SETD5: variants seen among roughly 807,000 people sequenced by gnomAD.
The protein encoded by SETD5 is histone-lysine N-methyltransferase SETD5.
Under a neutral mutation model 153.3 loss-of-function variants are expected in SETD5, and 44 were observed. The observed-to-expected ratio is 0.29, with a 90% confidence interval of 0.23 to 0.37. SETD5 has a LOEUF of 0.37. Among genes scored for constraint, SETD5 ranks in the 10% least tolerant of loss-of-function variants. The pLI, the probability that SETD5 is intolerant of heterozygous loss-of-function variation, is 1.00. For synonymous variants in SETD5, 716 were observed against 645.2 expected (o/e 1.11, Z -1.66); for missense variants, 1,544 against 1,768.0 (o/e 0.87, Z 2.27).
Position 9,397,782 on chromosome 3 carries a change from T to G in SETD5, c.-372T>G, listed in dbSNP as rs1470842737. The G allele has an allele frequency of 9.3e-6, 1 of 107,766 alleles. No individual in the cohort carries two copies. The highest frequency in any genetic ancestry group is 3.7e-5 in the African/African-American group (1 of 27,306). The allele number at this position is 107,766 out of a possible 1,614,324, so 6.7% of individuals were successfully genotyped here. ...CAACACAGTAGTGCCGGCCCCCCTC[T>G]TTCCCTGGCCCTGCCCCCCCTCCCC... On this transcript the variant is annotated 5_prime_UTR_variant, in exon 1 of 23. Coordinates refer to ENST00000402198, the MANE Select transcript of SETD5 (RefSeq NM_001080517.3).
chr3:9,433,620 T>A, intron 3 of SETD5: 2 of 1,078,570 alleles, frequency 1.9e-6, no homozygotes, highest in Non-Finnish European at 2.5e-6. Context: ...CCTTCAGACA[T>A]CTGCCTGTAC....
At chr3:9,403,392 CT>C in intron 1 of SETD5, among the ~76,000 whole-genome samples, 1 of 152,270 alleles carries the variant, frequency 6.6e-6, no homozygotes, top group Non-Finnish European at 1.5e-5. Context: ...AAAGAATACT[CT>C]ATCTGAATAA....
Position 9,440,439 on chromosome 3 carries a change from G to T in SETD5, c.568-17G>T, listed in dbSNP as rs768621431. On this transcript the variant is annotated splice_polypyrimidine_tract_variant and intron_variant, in intron 7 of 22. Coordinates refer to ENST00000402198, the MANE Select transcript of SETD5 (RefSeq NM_001080517.3). ...ATGCATGGACTTTACTAACCTCCCT[G>T]AATTTGTTTTCTACAGAATTCTCCC... is the stretch of plus-strand genomic sequence containing the variant. 10 of 1,375,898 alleles carry T rather than the reference G, an allele frequency of 7.3e-6. No individual in the cohort carries two copies. In the Admixed American group the frequency reaches 1.7e-4, roughly 23 times the overall value. The allele number at this position is 1,375,898 out of a possible 1,614,324, so 85.2% of individuals were successfully genotyped here.
In SETD5 at chr3:9,445,049, A is replaced by C; in HGVS notation, c.1189A>C (p.Asn397His). 1.2e-6 allele frequency: 2 copies of C among 1,612,084 alleles called. No individual in the cohort carries two copies. Among genetic ancestry groups the C allele is most frequent in the Non-Finnish European group, 1.7e-6 (2 of 1,178,884 alleles). ...IAFDYEYSNC[N>H]YKVDCACHKG... ...ATTTTGGTTGTTTCTTTGGAGCAGT[A>C]ATTATAAAGTGGACTGTGCCTGTCA... is the stretch of plus-strand genomic sequence containing the variant. The change falls in exon 12 of 23, where the codon AAT (asparagine) becomes CAT (histidine). Residue 397 changes from asparagine (N) to histidine (H), a missense_variant and splice_region_variant. By Grantham distance (68) the Asn-to-His change is moderately conservative. Coordinates refer to ENST00000402198, the MANE Select transcript of SETD5 (RefSeq NM_001080517.3).
intron 17 of SETD5, among the ~76,000 whole-genome samples, chr3:9,462,430 A>G (rs953178138): frequency 5.3e-5 from 8 of 151,840 alleles, no homozygotes; most frequent in African/African-American, 1.5e-4. Flanking sequence ...TACTAAAAAT[A>G]CAAAAAATTA....
At chr3:9,450,570 T>C (rs909542256) in intron 16 of SETD5, among the ~76,000 whole-genome samples, 2 of 152,210 alleles carry the variant, frequency 1.3e-5, no homozygotes, top group Admixed American at 6.5e-5. Context: ...TCTTCTAATA[T>C]TGGTCTTCTT....
intron 1 of SETD5, among the ~76,000 whole-genome samples, chr3:9,412,582 T>C (rs1320062424): frequency 2.6e-5 from 4 of 151,846 alleles, no homozygotes; most frequent in African/African-American, 9.7e-5. Flanking sequence ...TTTTAAAAAA[T>C]ATCTTGTACA....
rs1474749780 is a variant in SETD5, at chr3:9,402,112, C to T, written c.-177+4135C>T. 5.9e-5 allele frequency among the ~76,000 whole-genome samples: 9 copies of T among 152,280 alleles called. No homozygotes were observed. In the East Asian group the frequency reaches 1.2e-3, roughly 20 times the overall value. ...AAGGTGGAGAGAATATAGTTTCCTT[C>T]ACTTGTCTATATACATTTTGTTAAA... On this transcript the variant is annotated intron_variant, in intron 1 of 22. Transcript: ENST00000402198.
At chr3:9,475,370 A>C (rs2045752933) in intron 22 of SETD5, 113 bp from the exon 23 acceptor site, 1 of 1,450,176 alleles carries the variant, frequency 6.9e-7, no homozygotes, top group Non-Finnish European at 9.2e-7. Flanking sequence ...GTTTCCTAAA[A>C]AGAATACATG....
chr3:9,442,394 G>T, intron 10 of SETD5, 149 bp downstream of exon 10: 2 of 637,926 alleles, frequency 3.1e-6, no homozygotes, highest in Non-Finnish European at 2.8e-6. Flanking sequence ...AAGTAATGGT[G>T]CTTTTATACG....
chr3:9,438,638 G>T (rs1391216661), intron 7 of SETD5, among the ~76,000 whole-genome samples: 2 of 152,140 alleles, frequency 1.3e-5, no homozygotes. Flanking sequence ...GGAGCCATAA[G>T]AATTAGAAAA....
At chr3:9,405,218 C>T (rs77565714) in intron 1 of SETD5, among the ~76,000 whole-genome samples, 168 of 152,180 alleles carry the variant, frequency 1.1e-3, no homozygotes, top group African/African-American at 3.8e-3. Context: ...TTTCGTTGGC[C>T]GTTCACAGTC....
chr3:9,406,943 G>T (rs2035794570), intron 1 of SETD5, among the ~76,000 whole-genome samples: 1 of 152,188 alleles, frequency 6.6e-6, no homozygotes, highest in Non-Finnish European at 1.5e-5. Flanking sequence ...CACCTTATTG[G>T]TGGCATATTA....
intron 1 of SETD5, among the ~76,000 whole-genome samples, chr3:9,399,345 T>G (rs1014011982): frequency 2.9e-4 from 44 of 152,216 alleles, no homozygotes; most frequent in African/African-American, 1.0e-3. Context: ...TAAGTGGTAA[T>G]TTTAGATGTG....
intron 3 of SETD5, 62 bp downstream of exon 3, chr3:9,429,071 G>T (rs2039650749): frequency 8.7e-7 from 1 of 1,144,130 alleles, no homozygotes; most frequent in South Asian, 1.3e-5. Flanking sequence ...GCCTTCTTAT[G>T]GATAGCTAAT....
rs79839841 is a variant in SETD5, at chr3:9,410,336, T to C, written c.-177+12359T>C. On this transcript the variant is annotated intron_variant, in intron 1 of 22. Coordinates refer to ENST00000402198, the MANE Select transcript of SETD5 (RefSeq NM_001080517.3). ...ACAGTCTTATGGGATCATTATCATA[T>C]GTGGTCCATCCTTGACTGAAATGTC... Among the ~76,000 whole-genome samples the C allele has an allele frequency of 7.9e-3, 1,209 of 152,316 alleles. 19 individuals are homozygous for C. Among genetic ancestry groups the C allele is most frequent in the African/African-American group, 0.026 (1,101 of 41,556 alleles).
intron 3 of SETD5, 83 bp from the exon 4 acceptor site, chr3:9,433,762 G>C (rs1294097543): frequency 2.2e-6 from 3 of 1,361,018 alleles, no homozygotes; most frequent in Non-Finnish European, 3.1e-6. Flanking sequence ...GGAAAGAGGA[G>C]GGGTTAGAAT....
chr3:9,475,837 G>A lies in SETD5; in HGVS notation c.4075G>A (p.Asp1359Asn), dbSNP rs2045801184. 1.2e-6 allele frequency: 2 copies of A among 1,613,996 alleles called. No homozygotes were observed. Among genetic ancestry groups the A allele is most frequent in the Non-Finnish European group, 1.7e-6 (2 of 1,179,886 alleles). ...GGGACCCTCAGACTCGCCAACCTCA[G>A]ATTCAGTTTCTCAGTCCAGCACAGG... is the stretch of plus-strand genomic sequence containing the variant. ...LQGPSDSPTSDSVSQSSTGTL... is the reference protein window; with the variant it reads ...LQGPSDSPTSNSVSQSSTGTL... The change falls in exon 23 of 23, where the codon GAT becomes AAT. Residue 1359 changes from aspartate (D) to asparagine (N), a missense_variant. Around this residue, in one of 9 missense-constraint regions of SETD5, gnomAD observed 302 missense variants for 277.6 expected, o/e 1.09. Transcript: ENST00000402198.
Position 9,475,623 on chromosome 3 carries a change from C to G in SETD5, c.3861C>G (p.His1287Gln). The G allele has an allele frequency of 6.2e-7, 1 of 1,613,978 alleles. No homozygotes were observed. The highest frequency in any genetic ancestry group is 8.5e-7 in the Non-Finnish European group (1 of 1,179,900). The change falls in exon 23 of 23, where the codon CAC (histidine) becomes CAG (glutamine). Residue 1287 changes from histidine to glutamine, a missense_variant. This residue lies in a region of SETD5 where 302 missense variants were observed against 277.6 expected (regional missense o/e 1.09). Transcript: ENST00000402198. ...TGAGACCTGGAAACCCCCCCTCTCA[C>G]GGTTCTTCAGAATCATCCCTCTCTT... ...TALRPGNPPS[H>Q]GSSESSLSST... is the part of the protein sequence containing the mutation.
Sources: allele counts gnomAD v4.1 joint callset (sites outside exome capture counted in the v4.1 genomes callset), GRCh38; gene constraint gnomAD v4.1.1; regional missense constraint gnomAD v4.1.1; transcripts MANE v1.5; gene names NCBI Gene and HGNC (gene_info 2026-07-23, HGNC 2026-07-21).